Variants in CNKSR3 observed in about 807,000 individuals in gnomAD.
CNKSR3 encodes the protein connector enhancer of kinase suppressor of ras 3.
In CNKSR3, 36 loss-of-function variants were observed where a neutral mutation model predicts 67.7. That is an observed-to-expected ratio of 0.53 (90% CI 0.41 to 0.70). CNKSR3 has a LOEUF of 0.70. Ranked by LOEUF, CNKSR3 falls within the 30% of genes least tolerant of loss-of-function variation. The probability of loss-of-function intolerance (pLI) is 0.00; values close to 1 mark genes in which losing one functional copy is unlikely to be tolerated. For missense variants in CNKSR3, 630 were observed against 695.2 expected (o/e 0.91, Z 1.05); for synonymous variants, 281 against 271.4 (o/e 1.04, Z -0.35).
intron 3 of CNKSR3, among the ~76,000 whole-genome samples, chr6:154,441,741 A>AAAAAC (rs755289634): frequency 8.8e-5 from 10 of 113,732 alleles, no homozygotes; most frequent in Non-Finnish European, 1.4e-4. Context: ...GGAATAGATT[A>AAAAAC]AAAACAAAAC....
intron 4 of CNKSR3, among the ~76,000 whole-genome samples, chr6:154,438,531 TC>T (rs1785518881): frequency 6.6e-6 from 1 of 152,172 alleles, no homozygotes; most frequent in Non-Finnish European, 1.5e-5. Context: ...ATATTTGTAT[TC>T]CCATTCTGTA....
chr6:154,403,804 T>A lies in CNKSR3; in HGVS notation c.*2550A>T, dbSNP rs1448578787. The A allele has an allele frequency of 6.6e-6, 1 of 152,164 alleles. No homozygotes were observed. The highest frequency in any genetic ancestry group is 1.5e-5 in the Non-Finnish European group (1 of 68,032). The allele number at this position is 152,164 out of a possible 1,614,324, so 9.4% of individuals were successfully genotyped here. A position where few individuals can be genotyped will look rare whatever the true frequency, so the allele number is the denominator to read the frequency against. ...CCTATAATGAAGACTGACTGCCGAA[T>A]ATTCACTTAAAGGATGGCTGTTCAA... On this transcript the variant is annotated 3_prime_UTR_variant, in exon 13 of 13. Transcript: ENST00000607772.
chr6:154,425,740 C>CCTGG (rs150407918), intron 7 of CNKSR3, among the ~76,000 whole-genome samples: 3 of 152,242 alleles, frequency 2.0e-5, no homozygotes, highest in Non-Finnish European at 4.4e-5. Context: ...GGACTGAAGG[C>CCTGG]CTTGCTTGCT....
In CNKSR3 at chr6:154,430,493, G is replaced by A. The variant is rs1785342368; in HGVS notation, c.648C>T (p.Asn216=). The change falls in exon 6 of 13, where the codon AAC becomes AAT. Residue 216 remains asparagine (N), a synonymous_variant. Transcript: ENST00000607772. ...TTACCAGGCCTTCCCCAGGTTTAAT[G>A]TTTGGTAAGTGAACTTCCTCCAGAC... ...CACLEEVHLP[N]IKPGEGLGMY... is the part of the protein sequence containing the mutation. 1 of 1,611,630 alleles carries A rather than the reference G, an allele frequency of 6.2e-7. No homozygotes were observed. The highest frequency in any genetic ancestry group is 8.5e-7 in the Non-Finnish European group (1 of 1,179,222).
chr6:154,454,446 G>A (rs1785908934), intron 1 of CNKSR3, among the ~76,000 whole-genome samples: 1 of 152,038 alleles, frequency 6.6e-6, no homozygotes, highest in Non-Finnish European at 1.5e-5. Flanking sequence ...TAGCACTTTG[G>A]GAGGCCAAGG....
At chr6:154,475,868 G>A (rs748213284) in intron 1 of CNKSR3, among the ~76,000 whole-genome samples, 8 of 149,570 alleles carry the variant, frequency 5.3e-5, no homozygotes, top group Admixed American at 6.6e-5. Context: ...CATTGTCAAA[G>A]ATGATAAAAA....
At chr6:154,409,838 G>A (rs543078438) in intron 12 of CNKSR3, among the ~76,000 whole-genome samples, 1 of 148,818 alleles carries the variant, frequency 6.7e-6, no homozygotes, top group South Asian at 2.1e-4. Flanking sequence ...ACAGCTAGGA[G>A]TTTGAGACCA....
chr6:154,394,614 T>TAAAAAAAAAA lies in CNKSR3; in HGVS notation c.*11730_*11739dup, dbSNP rs67203207. ...TATAGCATGAGCCTAATACAAGAAG[T>TAAAAAAAAAA]AAAAAAAAAAAAAAAAAAAAAGAAG... On this transcript the variant is annotated 3_prime_UTR_variant, in exon 13 of 13. Coordinates refer to ENST00000607772, the MANE Select transcript of CNKSR3 (RefSeq NM_173515.4). 1.0e-4 allele frequency: 7 copies of TAAAAAAAAAA among 67,770 alleles called. No individual in the cohort carries two copies. Among genetic ancestry groups the TAAAAAAAAAA allele is most frequent in the African/African-American group, 2.2e-4 (4 of 18,318 alleles). 4.2% of individuals were successfully genotyped at this position (67,770 alleles called of 1,614,324 possible).
chr6:154,469,565 C>T lies in CNKSR3; in HGVS notation c.53-19307G>A, dbSNP rs926866870. 4.6e-5 allele frequency among the ~76,000 whole-genome samples: 7 copies of T among 152,276 alleles called. 1 individual carries two copies. In the East Asian group the frequency reaches 7.7e-4, roughly 17 times the overall value. On this transcript the variant is annotated intron_variant, in intron 1 of 12. Coordinates refer to ENST00000607772, the MANE Select transcript of CNKSR3 (RefSeq NM_173515.4). ...GACACCAGTCCCATTCCATTGGCAA[C>T]GCTAGACAACACCTCCACAAAAAGC...
chr6:154,430,690 T>C, intron 5 of CNKSR3, 99 bp from the exon 6 acceptor site: 1 of 1,176,570 alleles, frequency 8.5e-7, no homozygotes, highest in Non-Finnish European at 1.2e-6. Flanking sequence ...TAATTGTTAG[T>C]TCTGGTTGGC....
intron 1 of CNKSR3, among the ~76,000 whole-genome samples, chr6:154,487,466 A>C (rs1311979435): frequency 6.6e-6 from 1 of 152,220 alleles, no homozygotes; most frequent in Non-Finnish European, 1.5e-5. Flanking sequence ...ACGTCAGGCA[A>C]CCATGAGAGG....
Position 154,502,507 on chromosome 6 carries a change from G to A in CNKSR3, c.52+7556C>T, listed in dbSNP as rs142251475. Among the ~76,000 whole-genome samples, 81 of 152,094 alleles carry A rather than the reference G, an allele frequency of 5.3e-4. 1 individual carries two copies. Among genetic ancestry groups the A allele is most frequent in the African/African-American group, 1.9e-3 (78 of 41,478 alleles). On this transcript the variant is annotated intron_variant, in intron 1 of 12. Coordinates refer to ENST00000607772, the MANE Select transcript of CNKSR3 (RefSeq NM_173515.4). ...CCACCACACCCAGCCTCCCACACTT[G>A]TTGGTTAGGAAGGAACTAGAAGGCA...
intron 7 of CNKSR3, among the ~76,000 whole-genome samples, chr6:154,424,182 G>GAT (rs1584068143): frequency 1.4e-5 from 2 of 144,262 alleles, no homozygotes; most frequent in Non-Finnish European, 3.0e-5. Flanking sequence ...AGTGAGCCGA[G>GAT]ATCGCGCCAC....
At position 154,394,507 on chromosome 6, in the gene CNKSR3, C is replaced by T. The variant is rs574595576; in HGVS notation, c.*11847G>A. 2 of 151,596 alleles carry T rather than the reference C, an allele frequency of 1.3e-5. No homozygotes were observed. Among genetic ancestry groups the T allele is most frequent in the East Asian group, 3.9e-4 (2 of 5,162 alleles). 9.4% of individuals were successfully genotyped at this position (151,596 alleles called of 1,614,324 possible). On this transcript the variant is annotated 3_prime_UTR_variant, in exon 13 of 13. Coordinates refer to ENST00000607772, the MANE Select transcript of CNKSR3 (RefSeq NM_173515.4). ...AGGACAGCCACAGAGCATTACCCAA[C>T]CTGGAACATCCAAAGTGGACGTTGA...
At chr6:154,478,338 C>T (rs947997470) in intron 1 of CNKSR3, 3 of 152,838 alleles carry the variant, frequency 2.0e-5, no homozygotes, top group East Asian at 1.9e-4. Context: ...CCTATCTGGT[C>T]TGGCCAACTC....
chr6:154,456,387 CAA>C, intron 1 of CNKSR3, among the ~76,000 whole-genome samples: 1 of 151,718 alleles, frequency 6.6e-6, no homozygotes, highest in African/African-American at 2.4e-5. Flanking sequence ...TCATCTCACT[CAA>C]GACTTTTAAG....
At chr6:154,407,476 G>T (rs771222276) in intron 12 of CNKSR3, among the ~76,000 whole-genome samples, 3 of 152,108 alleles carry the variant, frequency 2.0e-5, no homozygotes, top group Non-Finnish European at 4.4e-5. Context: ...ATGGACTCAC[G>T]GATGCTTACT....
chr6:154,477,445 G>C (rs1429437499), intron 1 of CNKSR3, among the ~76,000 whole-genome samples: 2 of 151,582 alleles, frequency 1.3e-5, no homozygotes, highest in Non-Finnish European at 2.9e-5. Flanking sequence ...TGAGTAGCTA[G>C]GACTACAGGA....
At chr6:154,434,768 C>A (rs1318499939) in intron 4 of CNKSR3, among the ~76,000 whole-genome samples, 1 of 152,092 alleles carries the variant, frequency 6.6e-6, no homozygotes, top group African/African-American at 2.4e-5. Context: ...ACTACAGGAG[C>A]GGCTTCTGTA....
Sources: allele counts gnomAD v4.1 joint callset (sites outside exome capture counted in the v4.1 genomes callset), GRCh38; gene constraint gnomAD v4.1.1; transcripts MANE v1.5; gene names NCBI Gene and HGNC (gene_info 2026-07-23, HGNC 2026-07-21).